GLYR1: variants seen among roughly 807,000 people sequenced by gnomAD.
GLYR1 encodes the protein cytokine-like nuclear factor N-PAC.
GLYR1 carries 21 observed loss-of-function variants against 72.7 expected under a neutral mutation model. The ratio of observed to expected loss-of-function variants is 0.29; its 90% CI spans 0.20 to 0.42. GLYR1 has a LOEUF of 0.42. Ranked by LOEUF, GLYR1 falls within the 10% of genes least tolerant of loss-of-function variation. The pLI, the probability that GLYR1 is intolerant of heterozygous loss-of-function variation, is 1.00. For synonymous variants in GLYR1, 392 were observed against 270.2 expected (o/e 1.45, Z -4.42); for missense variants, 594 against 712.1 (o/e 0.83, Z 1.89).
intron 10 of GLYR1, among the ~76,000 whole-genome samples, chr16:4,816,919 G>A (rs2083675135): frequency 6.6e-6 from 1 of 150,968 alleles, no homozygotes; most frequent in South Asian, 2.1e-4. Flanking sequence ...CCTGGGAGGT[G>A]GAGGTTGCAG....
intron 10 of GLYR1, among the ~76,000 whole-genome samples, chr16:4,815,931 G>A (rs1475103915): frequency 7.2e-5 from 11 of 151,928 alleles, no homozygotes; most frequent in Middle Eastern, 3.2e-3. Context: ...ACAGGCGCCC[G>A]CCACTGTGCC....
intron 3 of GLYR1, among the ~76,000 whole-genome samples, chr16:4,841,253 A>G (rs184792655): frequency 6.6e-6 from 1 of 151,796 alleles, no homozygotes; most frequent in Admixed American, 6.6e-5. Flanking sequence ...CTCAACTCCA[A>G]TTTTCTGTGT....
intron 3 of GLYR1, among the ~76,000 whole-genome samples, chr16:4,844,674 C>A (rs1169209058): frequency 6.6e-6 from 1 of 152,170 alleles, no homozygotes. Flanking sequence ...GGTGAGAGAA[C>A]CGCTTGAGTC....
In GLYR1 at chr16:4,833,358, T is replaced by C. The variant is rs147570195; in HGVS notation, c.156-446A>G. 2.2e-3 allele frequency among the ~76,000 whole-genome samples: 335 copies of C among 152,266 alleles called. 2 individuals are homozygous for C. The highest frequency in any genetic ancestry group is 7.7e-3 in the African/African-American group (321 of 41,542). On this transcript the variant is annotated intron_variant, in intron 3 of 15. Coordinates refer to ENST00000321919, the MANE Select transcript of GLYR1 (RefSeq NM_032569.4). ...GGAAATGTGATAGATGATAGCAGCA[T>C]TACTATGCAGGAAAATGCCTGCTGC... is the stretch of plus-strand genomic sequence containing the variant.
chr16:4,824,991 G>T (rs901992346), intron 5 of GLYR1, among the ~76,000 whole-genome samples: 2 of 152,022 alleles, frequency 1.3e-5, no homozygotes, highest in African/African-American at 4.8e-5. Context: ...ACAATGAATG[G>T]GGCTTTACAG....
rs779704243 is a variant in GLYR1, at chr16:4,845,148, A to C, written c.81T>G (p.Val27=). ...GTTTCTTCAAGTCCTTTGGTGGATT[A>C]ACAATCTGGAGGATAAAAGGGGGGA... ...GRYPPWPGKI[V]NPPKDLKKPR... The change falls in exon 3 of 16, where the codon GTT becomes GTG. Residue 27 remains valine, a synonymous_variant. Coordinates refer to ENST00000321919, the MANE Select transcript of GLYR1 (RefSeq NM_032569.4). 10 of 1,613,640 alleles carry C rather than the reference A, an allele frequency of 6.2e-6. No homozygotes were observed. Among genetic ancestry groups the C allele is most frequent in the Non-Finnish European group, 8.5e-6 (10 of 1,179,624 alleles).
At chr16:4,838,180 C>A (rs1173875896) in intron 3 of GLYR1, among the ~76,000 whole-genome samples, 3 of 152,110 alleles carry the variant, frequency 2.0e-5, no homozygotes, top group Non-Finnish European at 4.4e-5. Context: ...ACACACAAAT[C>A]AGGTGCCAGG....
chr16:4,807,772 A>G (rs1403353645), intron 15 of GLYR1, among the ~76,000 whole-genome samples: 1 of 152,258 alleles, frequency 6.6e-6, no homozygotes, highest in Non-Finnish European at 1.5e-5. Flanking sequence ...AACTATAGTC[A>G]GAAATGAGCT....
chr16:4,846,998 C>T (rs1276570678), intron 1 of GLYR1: 2 of 550,510 alleles, frequency 3.6e-6, no homozygotes, highest in Non-Finnish European at 3.2e-6. Context: ...CCCCACCCGG[C>T]CGGCCTCGGG....
At position 4,833,397 on chromosome 16, in the gene GLYR1, G is replaced by T. The variant is rs568685045; in HGVS notation, c.156-485C>A. Among the ~76,000 whole-genome samples the T allele has an allele frequency of 5.9e-5, 9 of 152,272 alleles. No homozygotes were observed. The South Asian group carries it at 1.2e-3, about 21-fold the overall frequency. ...AATGCCTGCTGCCTGTCAACAATGG[G>T]AACCAGATTTATGATCTGTTGATCC... On this transcript the variant is annotated intron_variant, in intron 3 of 15. Coordinates refer to ENST00000321919, the MANE Select transcript of GLYR1 (RefSeq NM_032569.4).
intron 3 of GLYR1, among the ~76,000 whole-genome samples, chr16:4,840,554 C>G (rs1480248079): frequency 6.6e-6 from 1 of 152,202 alleles, no homozygotes; most frequent in Non-Finnish European, 1.5e-5. Context: ...CACACTCTCT[C>G]TCTCTCCCAT....
intron 15 of GLYR1, among the ~76,000 whole-genome samples, chr16:4,810,217 C>A (rs748541106): frequency 6.6e-6 from 1 of 151,528 alleles, no homozygotes; most frequent in Non-Finnish European, 1.5e-5. Flanking sequence ...AACAAAGAGG[C>A]CAGACACAGT....
intron 5 of GLYR1, among the ~76,000 whole-genome samples, chr16:4,831,158 TA>T (rs1209896280): frequency 1.1e-4 from 17 of 152,182 alleles, no homozygotes; most frequent in African/African-American, 4.1e-4. Context: ...ATCCTCTATA[TA>T]ACCAATTATG....
chr16:4,839,401 A>T (rs1474814481), intron 3 of GLYR1: 1 of 152,056 alleles, frequency 6.6e-6, no homozygotes, highest in Non-Finnish European at 1.5e-5. Context: ...CCCCGATGAA[A>T]CTTTTAAACC....
intron 3 of GLYR1, among the ~76,000 whole-genome samples, chr16:4,838,910 A>G (rs1481439710): frequency 6.6e-6 from 1 of 152,094 alleles, no homozygotes; most frequent in African/African-American, 2.4e-5. Flanking sequence ...TTTAAAAGAC[A>G]GGGTCCTGCT....
intron 3 of GLYR1, among the ~76,000 whole-genome samples, chr16:4,838,488 C>A (rs938749082): frequency 6.6e-6 from 1 of 152,158 alleles, no homozygotes; most frequent in African/African-American, 2.4e-5. Flanking sequence ...TGTTTGTCCA[C>A]AATCTGTTGA....
At chr16:4,840,383 C>T (rs1019947113) in intron 3 of GLYR1, 3 of 152,148 alleles carry the variant, frequency 2.0e-5, no homozygotes, top group African/African-American at 7.2e-5. Context: ...ATCTGAAGTC[C>T]ATAGAGTATT....
chr16:4,821,163 A>T (rs184222488), intron 9 of GLYR1: 261 of 593,756 alleles, frequency 4.4e-4, no homozygotes, highest in African/African-American at 4.2e-3. Flanking sequence ...TGGAGCCAAA[A>T]AAATCCCTCA....
intron 3 of GLYR1, among the ~76,000 whole-genome samples, chr16:4,837,932 A>AAAT (rs1555504982): frequency 1.1e-4 from 16 of 142,420 alleles, no homozygotes; most frequent in African/African-American, 3.8e-4. Flanking sequence ...TCCATCTCAA[A>AAAT]AAATAAATAA....
Sources: allele counts gnomAD v4.1 joint callset (sites outside exome capture counted in the v4.1 genomes callset), GRCh38; gene constraint gnomAD v4.1.1; transcripts MANE v1.5; gene names NCBI Gene and HGNC (gene_info 2026-07-23, HGNC 2026-07-21).